The following RAPGEF5 variants were observed in gnomAD, a reference collection of about 807,000 sequenced individuals.
The protein encoded by RAPGEF5 is Rap guanine nucleotide exchange factor 5.
RAPGEF5 carries 65 observed loss-of-function variants against 125.2 expected under a neutral mutation model. That is an observed-to-expected ratio of 0.52 (90% confidence interval 0.43 to 0.64). The LOEUF is 0.64. Ranked by LOEUF, RAPGEF5 falls within the 30% of genes least tolerant of loss-of-function variation. RAPGEF5 has a pLI of 0.00. For missense variants in RAPGEF5, 958 were observed against 1,048.1 expected, an observed-to-expected ratio of 0.91 and a Z score of 1.19; for synonymous variants, 391 against 385.9, an observed-to-expected ratio of 1.01 and a Z score of -0.16.
chr7:22,162,375 A>G (rs1784030200), intron 13 of RAPGEF5, 22 bp downstream of exon 13: 1 of 1,540,324 alleles, frequency 6.5e-7, no homozygotes, highest in Non-Finnish European at 8.9e-7. Context: ...GCATCAAAGA[A>G]TATCTGGAAA....
intron 6 of RAPGEF5, among the ~76,000 whole-genome samples, chr7:22,285,021 C>G (rs1051191023): frequency 1.3e-5 from 2 of 152,100 alleles, no homozygotes; most frequent in Non-Finnish European, 1.5e-5. Flanking sequence ...TTAGTTTAGC[C>G]TAGCCTGCCT....
At chr7:22,168,872 G>T (rs1190925042) in intron 11 of RAPGEF5, among the ~76,000 whole-genome samples, 3 of 152,128 alleles carry the variant, frequency 2.0e-5, no homozygotes, top group African/African-American at 4.8e-5. Context: ...TGAACCAAGG[G>T]TGTTAATGAA....
At chr7:22,165,879 G>T (rs750666844) in intron 12 of RAPGEF5, among the ~76,000 whole-genome samples, 4 of 151,564 alleles carry the variant, frequency 2.6e-5, no homozygotes, top group Non-Finnish European at 4.4e-5. Flanking sequence ...GCAGTAGCAC[G>T]GTCTCGGCTC....
chr7:22,166,046 G>C (rs948538670), intron 12 of RAPGEF5, among the ~76,000 whole-genome samples: 1 of 145,788 alleles, frequency 6.9e-6, no homozygotes, highest in Admixed American at 7.0e-5. Context: ...ATATATATAT[G>C]TATATTATAT....
At chr7:22,330,300 C>T (rs747167380) in intron 1 of RAPGEF5, among the ~76,000 whole-genome samples, 2 of 152,218 alleles carry the variant, frequency 1.3e-5, no homozygotes, top group Non-Finnish European at 2.9e-5. Context: ...GGCACTAATG[C>T]TCCCTTTCTG....
intron 5 of RAPGEF5, chr7:22,298,686 T>A (rs1240442874): frequency 6.6e-6 from 1 of 152,216 alleles, no homozygotes; most frequent in Non-Finnish European, 1.5e-5. Context: ...ATAGGAGAAA[T>A]GACATAAGTT....
intron 1 of RAPGEF5, among the ~76,000 whole-genome samples, chr7:22,331,501 T>G (rs1783915845): frequency 6.6e-6 from 1 of 151,850 alleles, no homozygotes; most frequent in African/African-American, 2.4e-5. Context: ...ATCCCAGCAC[T>G]TTGGGAGGCC....
intron 3 of RAPGEF5, among the ~76,000 whole-genome samples, chr7:22,311,920 C>T (rs1490626119): frequency 6.6e-6 from 1 of 152,232 alleles, no homozygotes; most frequent in Non-Finnish European, 1.5e-5. Context: ...GGATTAAATA[C>T]TGTACCATCT....
chr7:22,215,876 A>T (rs1318157382), intron 9 of RAPGEF5, among the ~76,000 whole-genome samples: 1 of 152,208 alleles, frequency 6.6e-6, no homozygotes, highest in Non-Finnish European at 1.5e-5. Flanking sequence ...TGTCAGTGAG[A>T]TAAATACTAA....
intron 1 of RAPGEF5, among the ~76,000 whole-genome samples, chr7:22,352,335 G>A (rs1784345720): frequency 6.6e-6 from 1 of 151,958 alleles, no homozygotes; most frequent in Non-Finnish European, 1.5e-5. Context: ...AAGTAAGGTA[G>A]GAGGCTTAAG....
At position 22,355,989 on chromosome 7, in the gene RAPGEF5, C is replaced by T. The variant is rs538404762; in HGVS notation, c.231+841G>A. On this transcript the variant is annotated intron_variant, in intron 1 of 25. Transcript: ENST00000665637. ...TGAGTAGAACCCACCAAAGGTGCCG[C>T]CAAACCCTGGTGAGCAGGGAAATCT... 3 of 985,424 alleles carry T rather than the reference C, an allele frequency of 3.0e-6. No homozygotes were observed. In the African/African-American group the frequency reaches 5.2e-5, roughly 17 times the overall value. 61.0% of individuals were successfully genotyped at this position (985,424 alleles called of 1,614,324 possible). A position where few individuals can be genotyped will look rare whatever the true frequency, so the allele number is the denominator to read the frequency against.
intron 1 of RAPGEF5, among the ~76,000 whole-genome samples, chr7:22,326,667 C>G (rs1783819786): frequency 6.6e-6 from 1 of 152,160 alleles, no homozygotes; most frequent in African/African-American, 2.4e-5. Flanking sequence ...AGGCACAATT[C>G]CATCTCTACT....
At chr7:22,261,750 A>C (rs891710669) in intron 7 of RAPGEF5, among the ~76,000 whole-genome samples, 4 of 152,212 alleles carry the variant, frequency 2.6e-5, no homozygotes, top group Non-Finnish European at 4.4e-5. Context: ...AGAACTCAGA[A>C]ATACTCCCAT....
intron 7 of RAPGEF5, among the ~76,000 whole-genome samples, chr7:22,262,840 T>C (rs1782189639): frequency 6.6e-6 from 1 of 152,210 alleles, no homozygotes. Context: ...GGTGTGCATC[T>C]GTAGTCCCAG....
At chr7:22,305,692 A>G (rs1022792194) in intron 5 of RAPGEF5, among the ~76,000 whole-genome samples, 2 of 151,716 alleles carry the variant, frequency 1.3e-5, no homozygotes, top group African/African-American at 2.4e-5. Context: ...AACCATCCAC[A>G]CCTCCCCACT....
intron 3 of RAPGEF5, among the ~76,000 whole-genome samples, chr7:22,313,435 TCC>T (rs1259421343): frequency 1.3e-5 from 2 of 152,198 alleles, no homozygotes; most frequent in Admixed American, 1.3e-4. Context: ...AAATGATTCA[TCC>T]CTAGGTAATC....
intron 9 of RAPGEF5, among the ~76,000 whole-genome samples, chr7:22,214,912 C>T (rs1785598422): frequency 6.6e-6 from 1 of 152,136 alleles, no homozygotes; most frequent in Non-Finnish European, 1.5e-5. Context: ...CTCTTCAGCT[C>T]CCTCACTATT....
chr7:22,236,431 A>G (rs953587062), intron 7 of RAPGEF5, among the ~76,000 whole-genome samples: 2 of 152,190 alleles, frequency 1.3e-5, no homozygotes, highest in African/African-American at 4.8e-5. Context: ...TCTGCACCTC[A>G]AGAAAGAGTA....
intron 10 of RAPGEF5, 71 bp downstream of exon 10, chr7:22,193,844 A>T: frequency 6.2e-7 from 1 of 1,611,642 alleles, no homozygotes; most frequent in Non-Finnish European, 8.5e-7. Flanking sequence ...GAGATGGAGC[A>T]AGGGAAGGGA....
Sources: gnomAD v4.1 joint callset for allele counts (sites outside exome capture counted in the v4.1 genomes callset) on GRCh38, gnomAD v4.1.1 for gene constraint, MANE v1.5 for transcripts, NCBI Gene and HGNC (gene_info 2026-07-23, HGNC 2026-07-21) for gene names.